Variants in PUS3 observed in about 807,000 individuals in gnomAD.
The protein encoded by PUS3 is tRNA pseudouridine(38/39) synthase.
A neutral mutation model predicts 43.3 loss-of-function variants in PUS3; 36 were observed. That is an observed-to-expected ratio of 0.83 (90% confidence interval 0.64 to 1.10). The LOEUF (loss-of-function observed/expected upper bound fraction) is 1.10, where lower values mean the gene tolerates loss of function less well. PUS3 is among the 50% of genes least tolerant of loss of function. PUS3 has a pLI of 0.00. For missense variants in PUS3, 544 were observed against 589.9 expected (o/e 0.92, Z 0.81); for synonymous variants, 183 against 199.2 (o/e 0.92, Z 0.69).
At chr11:125,900,037 G>A in intron 1 of PUS3, 1 of 1,614,160 alleles carries the variant, frequency 6.2e-7, no homozygotes, top group South Asian at 1.1e-5. Context: ...AACGGGACTG[G>A]GACTCAATAC....
intron 1 of PUS3, among the ~76,000 whole-genome samples, chr11:125,902,798 C>A (rs189970311): frequency 6.6e-6 from 1 of 151,974 alleles, no homozygotes; most frequent in Admixed American, 6.6e-5. Context: ...TTGAAAATTG[C>A]TGCCACAGCC....
chr11:125,900,270 T>C, intron 1 of PUS3: 1 of 1,614,032 alleles, frequency 6.2e-7, no homozygotes, highest in Non-Finnish European at 8.5e-7. Context: ...CCTTCTTAAA[T>C]CTTTTTAAAC....
In PUS3 at chr11:125,900,004, G is replaced by A. The variant is rs1201166303; in HGVS notation, c.-47+3166C>T. 1 of 1,614,058 alleles carries A rather than the reference G, an allele frequency of 6.2e-7. No individual in the cohort carries two copies. The highest frequency in any genetic ancestry group is 8.5e-7 in the Non-Finnish European group (1 of 1,180,048). ...GCCGAAACCGGGGCAAGACAGACCG[G>A]GTAGCCCGGTATTTTGAGTACAAAC... On this transcript the variant is annotated intron_variant, in intron 1 of 3. Coordinates refer to ENST00000227474, the MANE Select transcript of PUS3 (RefSeq NM_031307.4).
intron 1 of PUS3, chr11:125,900,195 G>C (rs764729527): frequency 6.2e-7 from 1 of 1,614,076 alleles, no homozygotes; most frequent in Admixed American, 1.7e-5. Context: ...TCTGCACTCC[G>C]TTGGGGTGTT....
At chr11:125,901,095 C>T (rs190974854) in intron 1 of PUS3, among the ~76,000 whole-genome samples, 2 of 151,878 alleles carry the variant, frequency 1.3e-5, no homozygotes, top group Admixed American at 1.3e-4. Context: ...TGGATAGCCT[C>T]ATTACTAAAG....
chr11:125,893,987 A>G lies in PUS3; in HGVS notation c.1244T>C (p.Met415Thr), dbSNP rs760524996. Residue 415 changes from methionine (M) to threonine (T), a missense_variant, in exon 4 of 4, where the codon ATG (methionine) becomes ACG (threonine). By Grantham distance (81) the Met-to-Thr change is moderately conservative. Coordinates refer to ENST00000227474, the MANE Select transcript of PUS3 (RefSeq NM_031307.4). ...GVKMRTYKPL[M>T]DRPKCQGLES... ...CAGTCCTTGGCATTTAGGACGGTCC[A>G]TGAGGGGCTTATATGTGCGCATCTT... The G allele has an allele frequency of 7.4e-6, 12 of 1,614,012 alleles. No individual in the cohort carries two copies. Among genetic ancestry groups the G allele is most frequent in the Non-Finnish European group, 1.0e-5 (12 of 1,180,014 alleles).
Position 125,893,845 on chromosome 11 carries a change from A to G in PUS3, c.1386T>C (p.Thr462=). The G allele has an allele frequency of 6.2e-7, 1 of 1,613,946 alleles. No individual in the cohort carries two copies. The highest frequency in any genetic ancestry group is 1.6e-4 in the Middle Eastern group (1 of 6,062). The part of the protein sequence containing the change: ...DCNDTLEEEN[T]NLETPTKRVC... ...CCCTCTTCGTTGGTGTCTCCAAATT[A>G]GTATTCTCTTCCTCTAGTGTGTCAT... The change falls in exon 4 of 4, where the codon ACT becomes ACC. Residue 462 remains threonine, a synonymous_variant. Transcript: ENST00000227474.
rs1944553304 is a variant in PUS3, at chr11:125,895,456, G to A, written c.712C>T (p.Gln238Ter). 1 of 1,614,120 alleles carries A rather than the reference G, an allele frequency of 6.2e-7. No homozygotes were observed. Among genetic ancestry groups the A allele is most frequent in the Non-Finnish European group, 8.5e-7 (1 of 1,180,018 alleles). The part of the protein sequence containing the change: ...MDVANGVINF[Q>*]RTILSAQVQL... ...ACTTGAGCAGATAGAATAGTCCTCT[G>A]AAAATTAATCACACCGTTGGCTACA... is the stretch of plus-strand genomic sequence containing the variant. The change falls in exon 3 of 4, where the codon CAG becomes TAG. Residue 238 changes from glutamine (Q) to a stop codon, truncating the protein, a stop_gained. Coordinates refer to ENST00000227474, the MANE Select transcript of PUS3 (RefSeq NM_031307.4). LOFTEE classifies it high-confidence loss of function.
rs1416210277 is a variant in PUS3 at position 125,896,011 on chromosome 11, T to C, written c.274A>G (p.Lys92Glu). ...QENTNNTIEE[K>E]LFEALTKTRL... ...GTCTTGGTTAGAGCTTCAAACAGTT[T>C]CTCTTCAATGGTATTATTTGTGTTT... Residue 92 changes from lysine (K) to glutamate (E), a missense_variant, in exon 2 of 4, where the codon AAA (lysine) becomes GAA (glutamate). Physicochemically the swap from Lys to Glu is moderately conservative, Grantham distance 56 (BLOSUM62 1). Transcript: ENST00000227474. 1.2e-6 allele frequency: 2 copies of C among 1,614,214 alleles called. No individual in the cohort carries two copies. Among genetic ancestry groups the C allele is most frequent in the Non-Finnish European group, 1.7e-6 (2 of 1,180,044 alleles).
rs769619636 is a variant in PUS3 at position 125,894,201 on chromosome 11, T to C, written c.1030A>G (p.Asn344Asp). The change falls in exon 4 of 4, where the codon AAT becomes GAT. Residue 344 changes from asparagine to aspartate, a missense_variant. By Grantham distance (23) the Asn-to-Asp change is conservative. Transcript: ENST00000227474. The part of the protein sequence containing the change: ...WIYDQEAQEF[N>D]ITHLQQLWAN... ...CACAGTTGTTGTAGGTGGGTAATAT[T>C]GAACTCCTGAGCCTCCTGGTCATAG... 1 of 1,614,098 alleles carries C rather than the reference T, an allele frequency of 6.2e-7. No individual in the cohort carries two copies. The highest frequency in any genetic ancestry group is 1.1e-5 in the South Asian group (1 of 91,080).
rs901058809 is a variant in PUS3, at chr11:125,896,033, G to C, written c.252C>G (p.Asn84Lys). Residue 84 changes from asparagine (N) to lysine (K), a missense_variant, in exon 2 of 4, where the codon AAC (asparagine) becomes AAG (lysine). Coordinates refer to ENST00000227474, the MANE Select transcript of PUS3 (RefSeq NM_031307.4). Reference protein sequence around the residue: ...WGYQGFASQENTNNTIEEKLF... With the variant: ...WGYQGFASQEKTNNTIEEKLF... ...GTTTCTCTTCAATGGTATTATTTGTGTTTTCCTGACTAGCAAAGCCCTGGT... is the reference window on the plus strand; with the variant it reads ...GTTTCTCTTCAATGGTATTATTTGTCTTTTCCTGACTAGCAAAGCCCTGGT... The C allele has an allele frequency of 3.1e-6, 5 of 1,614,074 alleles. No individual in the cohort carries two copies. The highest frequency in any genetic ancestry group is 2.5e-6 in the Non-Finnish European group (3 of 1,180,044).
Position 125,893,644 on chromosome 11 carries a change from G to T in PUS3, c.*141C>A, listed in dbSNP as rs938067168. ...TATTAAAGCAATAACTTCCTTAATA[G>T]GGCTTTAGTCTTTTTGCTTTTTTTT... On this transcript the variant is annotated 3_prime_UTR_variant, in exon 4 of 4. Transcript: ENST00000227474. The T allele has an allele frequency of 1.1e-5, 7 of 653,296 alleles. No homozygotes were observed. The highest frequency in any genetic ancestry group is 1.7e-5 in the Non-Finnish European group (7 of 408,336). The allele number at this position is 653,296 out of a possible 1,614,324, so 40.5% of individuals were successfully genotyped here. A position where few individuals can be genotyped will look rare whatever the true frequency, so the allele number is the denominator to read the frequency against.
At chr11:125,902,096 A>G (rs1944788409) in intron 1 of PUS3, among the ~76,000 whole-genome samples, 1 of 152,204 alleles carries the variant, frequency 6.6e-6, no homozygotes, top group South Asian at 2.1e-4. Flanking sequence ...CTAGTTGGTC[A>G]TAAGGCAGAT....
chr11:125,893,656 T>G lies in PUS3; in HGVS notation c.*129A>C, dbSNP rs957619830. 3.9e-6 allele frequency: 3 copies of G among 765,244 alleles called. No individual in the cohort carries two copies. Among genetic ancestry groups the G allele is most frequent in the Non-Finnish European group, 3.9e-6 (2 of 511,130 alleles). The allele number at this position is 765,244 out of a possible 1,614,324, so 47.4% of individuals were successfully genotyped here. A position where few individuals can be genotyped will look rare whatever the true frequency, so the allele number is the denominator to read the frequency against. ...AACTTCCTTAATAGGGCTTTAGTCT[T>G]TTTGCTTTTTTTTTTCTTTTAAGAG... is the stretch of plus-strand genomic sequence containing the variant. On this transcript the variant is annotated 3_prime_UTR_variant, in exon 4 of 4. Transcript: ENST00000227474.
rs1455944950 is a variant in PUS3, at chr11:125,895,302, A to G, written c.866T>C (p.Ile289Thr). ...VRCMMAILFL[I>T]GQGMEKPEII... The stretch of plus-strand genomic sequence containing the variant: ...CTCTGGCTTCTCCATTCCTTGGCCA[A>G]TCAGAAAGAGGATAGCCATCATACA... Residue 289 changes from isoleucine to threonine, a missense_variant, in exon 3 of 4, where the codon ATT becomes ACT. Ile to Thr is a moderately conservative substitution (Grantham distance 89). Transcript: ENST00000227474. 2.5e-6 allele frequency: 4 copies of G among 1,613,768 alleles called. No homozygotes were observed. Among genetic ancestry groups the G allele is most frequent in the Non-Finnish European group, 3.4e-6 (4 of 1,179,896 alleles).
At chr11:125,896,382 A>G (rs1421092459) in intron 1 of PUS3, 52 bp from the exon 2 acceptor site, 3 of 1,175,016 alleles carry the variant, frequency 2.6e-6, no homozygotes, top group Non-Finnish European at 3.6e-6. Flanking sequence ...TCCTTTGATG[A>G]TGTTCTAATG....
chr11:125,895,639 A>G lies in PUS3; in HGVS notation c.529T>C (p.Trp177Arg), dbSNP rs1007076107. Residue 177 changes from tryptophan (W) to arginine (R), a missense_variant, in exon 3 of 4, where the codon TGG becomes CGG. Physicochemically the swap from Trp to Arg is moderately radical, Grantham distance 101. Transcript: ENST00000227474. ...CTGAAGCTTGGTTCTACAGGGGCCCAGGCCAATATACGGATGTCTGGAGGG... is the reference window on the plus strand; with the variant it reads ...CTGAAGCTTGGTTCTACAGGGGCCCGGGCCAATATACGGATGTCTGGAGGG... Reference protein sequence around the residue: ...VLPPDIRILAWAPVEPSFSAR... With the variant: ...VLPPDIRILARAPVEPSFSAR... The G allele has an allele frequency of 1.2e-6, 2 of 1,614,254 alleles. No homozygotes were observed. Among genetic ancestry groups the G allele is most frequent in the Non-Finnish European group, 1.7e-6 (2 of 1,180,034 alleles).
At chr11:125,900,990 G>A (rs1428614447) in intron 1 of PUS3, 5 of 133,656 alleles carry the variant, frequency 3.7e-5, no homozygotes, top group African/African-American at 8.6e-5. Flanking sequence ...CAGCCTGGGC[G>A]ACAGCGAGAC....
In PUS3 at chr11:125,894,007, C is replaced by T. The variant is rs117319789; in HGVS notation, c.1224G>A (p.Met408Ile). Residue 408 changes from methionine to isoleucine, a missense_variant, in exon 4 of 4, where the codon ATG becomes ATA. Coordinates refer to ENST00000227474, the MANE Select transcript of PUS3 (RefSeq NM_031307.4). ...QTSAFVEGVK[M>I]RTYKPLMDRP... ...GGTCCATGAGGGGCTTATATGTGCG[C>T]ATCTTCACTCCTTCTACAAAGGCAC... The T allele has an allele frequency of 1.8e-4, 285 of 1,614,182 alleles. 3 individuals are homozygous for T. The East Asian group carries it at 5.7e-3, about 32-fold the overall frequency.
Sources: allele counts gnomAD v4.1 joint callset (sites outside exome capture counted in the v4.1 genomes callset), GRCh38; gene constraint gnomAD v4.1.1; transcripts MANE v1.5; gene names NCBI Gene and HGNC (gene_info 2026-07-23, HGNC 2026-07-21).